The following BICD1 variants were observed in gnomAD, a reference collection of about 807,000 sequenced individuals.
BICD1 encodes protein bicaudal D homolog 1.
A neutral mutation model predicts 92.5 loss-of-function variants in BICD1; 35 were observed. That is an observed-to-expected ratio of 0.38 (90% CI 0.29 to 0.50). BICD1 has a LOEUF of 0.50. Ranked by LOEUF, BICD1 falls within the 20% of genes least tolerant of loss-of-function variation. The probability of loss-of-function intolerance (pLI) is 0.93; values close to 1 mark genes in which losing one functional copy is unlikely to be tolerated. For missense variants in BICD1, 950 were observed against 1,189.8 expected, an observed-to-expected ratio of 0.80 and a Z score of 2.97; for synonymous variants, 429 against 465.1, an observed-to-expected ratio of 0.92 and a Z score of 1.00.
intron 8 of BICD1, among the ~76,000 whole-genome samples, chr12:32,360,613 G>A (rs2136320371): frequency 6.6e-6 from 1 of 152,192 alleles, no homozygotes; most frequent in East Asian, 1.9e-4. Context: ...CTGAACTTGG[G>A]CAAGCAATTA....
At chr12:32,130,524 C>T (rs988652113) in intron 1 of BICD1, among the ~76,000 whole-genome samples, 8 of 152,140 alleles carry the variant, frequency 5.3e-5, no homozygotes, top group African/African-American at 1.7e-4. Context: ...TATACAGTGT[C>T]GGAAAGTGTG....
intron 1 of BICD1, among the ~76,000 whole-genome samples, chr12:32,113,552 A>AT (rs553104312): frequency 3.0e-3 from 451 of 148,404 alleles, no homozygotes; most frequent in Admixed American, 6.4e-3. Flanking sequence ...TGCCTGGCTA[A>AT]TTTTTTTTTG....
chr12:32,306,300 G>C (rs2136219597), intron 4 of BICD1, among the ~76,000 whole-genome samples, 178 bp downstream of exon 4: 1 of 152,204 alleles, frequency 6.6e-6, no homozygotes, highest in South Asian at 2.1e-4. Flanking sequence ...CTGGAGTACA[G>C]TGGTGCAATT....
At chr12:32,340,454 A>G (rs1938322375) in intron 8 of BICD1, 1 of 985,326 alleles carries the variant, frequency 1.0e-6, no homozygotes, top group Non-Finnish European at 1.2e-6. Context: ...AAAACCCACA[A>G]GTCTTCTTTT....
At chr12:32,342,456 G>A (rs1159437465) in intron 8 of BICD1, among the ~76,000 whole-genome samples, 3 of 151,604 alleles carry the variant, frequency 2.0e-5, no homozygotes, top group Admixed American at 1.3e-4. Flanking sequence ...GGGTTTCACA[G>A]TATTAGCCAG....
intron 1 of BICD1, among the ~76,000 whole-genome samples, chr12:32,181,649 T>G (rs541572534): frequency 6.6e-6 from 1 of 152,098 alleles, no homozygotes; most frequent in South Asian, 2.1e-4. Context: ...TAAGTGCATT[T>G]TCAAATTCAG....
At chr12:32,219,300 G>T (rs532186537) in intron 2 of BICD1, among the ~76,000 whole-genome samples, 5 of 152,258 alleles carry the variant, frequency 3.3e-5, no homozygotes, top group African/African-American at 9.6e-5. Flanking sequence ...CATCGTGAAA[G>T]ATTTACCCAT....
chr12:32,193,901 A>G (rs1290415070), intron 1 of BICD1, among the ~76,000 whole-genome samples: 1 of 152,212 alleles, frequency 6.6e-6, no homozygotes, highest in African/African-American at 2.4e-5. Flanking sequence ...GGACACTACA[A>G]GAAAATTCCA....
At chr12:32,193,430 A>G (rs534186643) in intron 1 of BICD1, among the ~76,000 whole-genome samples, 1 of 152,362 alleles carries the variant, frequency 6.6e-6, no homozygotes, top group South Asian at 2.1e-4. Context: ...TTTCATATGC[A>G]CTGGGAAACC....
intron 1 of BICD1, among the ~76,000 whole-genome samples, chr12:32,171,432 T>G (rs1470760632): frequency 6.6e-6 from 1 of 152,198 alleles, no homozygotes; most frequent in African/African-American, 2.4e-5. Context: ...GCACTAGGTA[T>G]TCTTATGCAG....
chr12:32,242,912 C>T (rs916466972), intron 2 of BICD1, among the ~76,000 whole-genome samples: 8 of 152,036 alleles, frequency 5.3e-5, no homozygotes, highest in Non-Finnish European at 1.2e-4. Flanking sequence ...CTCTGGGCCT[C>T]GATCTTGTTA....
At chr12:32,341,453 G>C (rs1481526061) in intron 8 of BICD1, among the ~76,000 whole-genome samples, 1 of 127,526 alleles carries the variant, frequency 7.8e-6, no homozygotes, top group Non-Finnish European at 1.6e-5. Flanking sequence ...GACAGAGTGA[G>C]ACACTGTCTC....
At chr12:32,297,123 C>T (rs1301195492) in intron 3 of BICD1, among the ~76,000 whole-genome samples, 1 of 152,198 alleles carries the variant, frequency 6.6e-6, no homozygotes, top group African/African-American at 2.4e-5. Flanking sequence ...TAAGAAAATG[C>T]TGTGTTTGTT....
At position 32,337,809 on chromosome 12, in the gene BICD1, A is replaced by G; in HGVS notation, c.2563A>G (p.Arg855Gly). 6.2e-7 allele frequency: 1 copy of G among 1,614,122 alleles called. No homozygotes were observed. The highest frequency in any genetic ancestry group is 8.5e-7 in the Non-Finnish European group (1 of 1,180,000). Reference sequence around the variant, plus strand: ...CATTCGGGTCAGCAGTGGCACTCAGAGGAAAAGGTATGCATGCAGCGATCT... The same window carrying G: ...CATTCGGGTCAGCAGTGGCACTCAGGGGAAAAGGTATGCATGCAGCGATCT... ...PNIRVSSGTQ[R>G]KRQFSPSLCD... Residue 855 changes from arginine (R) to glycine (G), a missense_variant, in exon 7 of 10, where the codon AGG becomes GGG. Arg to Gly is a moderately radical substitution (Grantham distance 125). Coordinates refer to ENST00000652176, the MANE Select transcript of BICD1 (RefSeq NM_001714.4). This position sits in a 1 kb window ranked among gnomAD's most constrained non-coding sequence, Gnocchi z 4.7.
chr12:32,270,218 T>C (rs922650531), intron 2 of BICD1, among the ~76,000 whole-genome samples: 1 of 151,874 alleles, frequency 6.6e-6, no homozygotes, highest in Admixed American at 6.6e-5. Flanking sequence ...TAATATGGTA[T>C]ATGAATAGTA....
intron 1 of BICD1, among the ~76,000 whole-genome samples, chr12:32,211,445 C>T (rs1945212282): frequency 6.6e-6 from 1 of 152,120 alleles, no homozygotes; most frequent in Admixed American, 6.6e-5. Context: ...GGGTCTACAT[C>T]TGAAATGTTT....
intron 2 of BICD1, among the ~76,000 whole-genome samples, chr12:32,248,104 A>C (rs907356482): frequency 6.6e-6 from 1 of 152,154 alleles, no homozygotes; most frequent in Non-Finnish European, 1.5e-5. Flanking sequence ...AACAAAAAAA[A>C]CAAAAACCCA....
intron 3 of BICD1, among the ~76,000 whole-genome samples, chr12:32,299,637 G>A (rs1449889727): frequency 1.3e-5 from 2 of 152,078 alleles, no homozygotes; most frequent in East Asian, 3.9e-4. Context: ...GCCAAGTCAC[G>A]AGGATCACTT....
At chr12:32,284,592 CT>C (rs1947512816) in intron 2 of BICD1, among the ~76,000 whole-genome samples, 1 of 152,130 alleles carries the variant, frequency 6.6e-6, no homozygotes, top group Non-Finnish European at 1.5e-5. Context: ...TCTCTTTGAC[CT>C]TTCTTGCTAA....
Sources: gnomAD v4.1 joint callset for allele counts (sites outside exome capture counted in the v4.1 genomes callset) on GRCh38, gnomAD v4.1.1 for gene constraint, Gnocchi (gnomAD v3.1) non-coding constraint, MANE v1.5 for transcripts, NCBI Gene and HGNC (gene_info 2026-07-23, HGNC 2026-07-21) for gene names.